Variants in ANO3 observed in about 807,000 individuals in gnomAD.
ANO3 encodes the protein anoctamin-3.
In ANO3, 99 loss-of-function variants were observed where a neutral mutation model predicts 144.8. The observed-to-expected ratio is 0.68, with a 90% CI of 0.58 to 0.81. The LOEUF is 0.81. Among genes scored for constraint, ANO3 ranks in the 30% least tolerant of loss-of-function variants. ANO3 has a pLI of 0.00. For synonymous variants in ANO3, 414 were observed against 392.6 expected (o/e 1.05, Z -0.64); for missense variants, 905 against 1,202.2 (o/e 0.75, Z 3.66).
intron 1 of ANO3, among the ~76,000 whole-genome samples, chr11:26,209,942 G>T (rs1310922407): frequency 7.4e-6 from 1 of 135,548 alleles, no homozygotes; most frequent in South Asian, 2.4e-4. Context: ...TAGGTTGCCT[G>T]TTCACTCATG....
chr11:26,372,001 T>C (rs1442192531), intron 1 of ANO3, among the ~76,000 whole-genome samples: 1 of 152,206 alleles, frequency 6.6e-6, no homozygotes, highest in Non-Finnish European at 1.5e-5. Flanking sequence ...TGTTTTGAAA[T>C]GTAGGAACAT....
At chr11:26,281,385 A>G (rs1003193264) in intron 1 of ANO3, among the ~76,000 whole-genome samples, 1 of 152,190 alleles carries the variant, frequency 6.6e-6, no homozygotes, top group Non-Finnish European at 1.5e-5. Flanking sequence ...CCTCATGAGC[A>G]TAGAAAAATT....
chr11:26,433,736 C>G (rs1173725787), intron 1 of ANO3, among the ~76,000 whole-genome samples: 1 of 152,016 alleles, frequency 6.6e-6, no homozygotes, highest in Non-Finnish European at 1.5e-5. Context: ...ACCTTGAATC[C>G]CAGGTATAAA....
At chr11:26,330,391 C>G (rs2133886745), upstream of ANO3, among the ~76,000 whole-genome samples, 1 of 152,176 alleles carries the variant, frequency 6.6e-6, no homozygotes, top group Non-Finnish European at 1.5e-5. Context: ...TGTTTTAGAT[C>G]TTCATTTGGA....
chr11:26,364,547 G>T lies in ANO3; in HGVS notation c.46+32226G>T, dbSNP rs138545440. On this transcript the variant is annotated intron_variant, in intron 1 of 26. Transcript: ENST00000256737. ...TGGCTTTGGAATCTGTTCTGCTTCT[G>T]GTGAGGCCTAAGGGAGCTTTCAATC... Among the ~76,000 whole-genome samples, 277 of 152,264 alleles carry T rather than the reference G, an allele frequency of 1.8e-3. 1 individual carries two copies. Among genetic ancestry groups the T allele is most frequent in the African/African-American group, 6.2e-3 (258 of 41,546 alleles).
intron 2 of ANO3, among the ~76,000 whole-genome samples, 164 bp from the exon 3 acceptor site, chr11:26,443,601 T>TA (rs1302228320): frequency 1.3e-5 from 2 of 152,084 alleles, no homozygotes; most frequent in African/African-American, 4.8e-5. Flanking sequence ...CTCCGTTTCT[T>TA]AAAAAACGGA....
chr11:26,649,601 G>A (rs986049692), intron 24 of ANO3, among the ~76,000 whole-genome samples: 37 of 152,128 alleles, frequency 2.4e-4, no homozygotes, highest in African/African-American at 8.2e-4. Flanking sequence ...GCTGGGCGTG[G>A]TGGCGGGCGC....
intron 6 of ANO3, among the ~76,000 whole-genome samples, chr11:26,525,023 C>A (rs1052753294): frequency 2.0e-5 from 3 of 152,144 alleles, no homozygotes; most frequent in Admixed American, 2.0e-4. Flanking sequence ...GGGGCAACAT[C>A]CCTGTGTCCT....
intron 1 of ANO3, among the ~76,000 whole-genome samples, chr11:26,191,799 A>G (rs1292795463): frequency 3.3e-5 from 5 of 152,166 alleles, no homozygotes; most frequent in African/African-American, 9.7e-5. Flanking sequence ...GCATATGGCC[A>G]TATCTCTGTG....
intron 1 of ANO3, among the ~76,000 whole-genome samples, chr11:26,247,066 TAA>T (rs1185530665): frequency 2.0e-5 from 3 of 152,240 alleles, no homozygotes; most frequent in Non-Finnish European, 4.4e-5. Context: ...TTAAATGTTT[TAA>T]GTTTATTTAA....
chr11:26,632,370 G>A (rs1222610427), intron 18 of ANO3, among the ~76,000 whole-genome samples: 4 of 150,878 alleles, frequency 2.7e-5, no homozygotes, highest in South Asian at 2.1e-4. Context: ...ACAAAACTTA[G>A]CCGGGCGTGG....
intron 1 of ANO3, among the ~76,000 whole-genome samples, chr11:26,322,348 C>T (rs1369277899): frequency 6.6e-6 from 1 of 152,106 alleles, no homozygotes; most frequent in Non-Finnish European, 1.5e-5. Flanking sequence ...TTTGTTACAG[C>T]TGATGAACCA....
At chr11:26,586,503 C>CT (rs550057766) in intron 14 of ANO3, among the ~76,000 whole-genome samples, 33,404 of 81,068 alleles carry the variant, frequency 0.41, 10,734 homozygotes, top group Middle Eastern at 0.72. Flanking sequence ...TGGTGAGAAT[C>CT]TTTTTTTTTT....
At chr11:26,286,511 T>C (rs1272736665) in intron 1 of ANO3, among the ~76,000 whole-genome samples, 2 of 152,234 alleles carry the variant, frequency 1.3e-5, no homozygotes, top group African/African-American at 4.8e-5. Flanking sequence ...TTCTAATGTA[T>C]GACCAATTGT....
chr11:26,547,565 G>T lies in ANO3; in HGVS notation c.1289+15G>T. The T allele has an allele frequency of 1.2e-6, 2 of 1,608,856 alleles. No homozygotes were observed. Among genetic ancestry groups the T allele is most frequent in the South Asian group, 1.1e-5 (1 of 90,768 alleles). ...AGTCAAGTAAGGTAGGCTATTAAGA[G>T]ACCTATTAAAAATATTTGGCTTGTC... On this transcript the variant is annotated intron_variant, in intron 12 of 26. Transcript: ENST00000256737.
chr11:26,616,181 G>A (rs1852256190), intron 17 of ANO3, among the ~76,000 whole-genome samples: 3 of 152,112 alleles, frequency 2.0e-5, no homozygotes, highest in African/African-American at 7.2e-5. Context: ...ATAAAAAGTA[G>A]TGAAGTATAA....
intron 11 of ANO3, among the ~76,000 whole-genome samples, chr11:26,544,273 T>TATATATATATATATATATAC: frequency 0.011 from 667 of 58,152 alleles, 25 homozygotes; most frequent in Non-Finnish European, 0.014. Context: ...TATATATATA[T>TATATATATATATATATATAC]ACACACATAC....
At chr11:26,477,007 A>G (rs1026159194) in intron 4 of ANO3, among the ~76,000 whole-genome samples, 9 of 152,004 alleles carry the variant, frequency 5.9e-5, no homozygotes, top group Admixed American at 5.9e-4. Flanking sequence ...TGTTTCCTGC[A>G]ATAAAAAATA....
intron 1 of ANO3, 60 bp from the exon 2 acceptor site, chr11:26,441,856 CTT>C: frequency 7.7e-7 from 1 of 1,297,834 alleles, no homozygotes; most frequent in Non-Finnish European, 1.1e-6. Flanking sequence ...AGAATTAAAA[CTT>C]TTTATTGACC....
Sources: gnomAD v4.1 joint callset for allele counts (sites outside exome capture counted in the v4.1 genomes callset) on GRCh38, gnomAD v4.1.1 for gene constraint, MANE v1.5 for transcripts, NCBI Gene and HGNC (gene_info 2026-07-23, HGNC 2026-07-21) for gene names.